WNT7A: variants seen among roughly 807,000 people sequenced by gnomAD.
WNT7A encodes Wnt family member 7A.
WNT7A carries 16 observed loss-of-function variants against 28.2 expected under a neutral mutation model. That is an observed-to-expected ratio of 0.57 (90% CI 0.38 to 0.86). The LOEUF is 0.86. Ranked by LOEUF, WNT7A falls within the 40% of genes least tolerant of loss-of-function variation. WNT7A has a pLI of 0.00. For synonymous variants in WNT7A, 190 were observed against 195.9 expected, an observed-to-expected ratio of 0.97 and a Z score of 0.25; for missense variants, 411 against 489.7, an observed-to-expected ratio of 0.84 and a Z score of 1.52.
chr3:13,860,664 G>T (rs1466680642), intron 2 of WNT7A, among the ~76,000 whole-genome samples: 1 of 152,140 alleles, frequency 6.6e-6, no homozygotes, highest in Non-Finnish European at 1.5e-5. Context: ...ATGCAAATCT[G>T]GAGGTCACCT....
chr3:13,837,135 A>G (rs1694383005), intron 3 of WNT7A, among the ~76,000 whole-genome samples: 1 of 152,066 alleles, frequency 6.6e-6, no homozygotes, highest in Admixed American at 6.5e-5. Flanking sequence ...CTGTCCTCTG[A>G]GGCCCCAGGG....
At position 13,854,533 on chromosome 3, in the gene WNT7A, T is replaced by C. The variant is rs766463815; in HGVS notation, c.569A>G (p.Lys190Arg). ...MNLHNNEAGR[K>R]ILEENMKLEC... ...CAGCTGCCCTCCCTGGCTTCCTACC[T>C]TTCGGCCTGCCTCGTTGTTGTGCAA... Residue 190 changes from lysine to arginine, a missense_variant and splice_region_variant, in exon 3 of 4, where the codon AAG becomes AGG. Lys to Arg is a conservative substitution (Grantham distance 26, BLOSUM62 2). Transcript: ENST00000285018. 3.2e-5 allele frequency: 52 copies of C among 1,614,010 alleles called. No homozygotes were observed. The highest frequency in any genetic ancestry group is 4.1e-5 in the Non-Finnish European group (48 of 1,180,050).
rs1694028759 is a variant in WNT7A at position 13,817,641 on chromosome 3, T to C, written c.*1303A>G. On this transcript the variant is annotated 3_prime_UTR_variant, in exon 4 of 4. Coordinates refer to ENST00000285018, the MANE Select transcript of WNT7A (RefSeq NM_004625.4). ...TCCAGGAAGCCCCGCTGGGCCCGGCTGCTCATCGGCCCCTCACCCCATCTG... is the reference window on the plus strand; with the variant it reads ...TCCAGGAAGCCCCGCTGGGCCCGGCCGCTCATCGGCCCCTCACCCCATCTG... The C allele has an allele frequency of 6.6e-6, 1 of 152,456 alleles. No individual in the cohort carries two copies. The highest frequency in any genetic ancestry group is 1.5e-5 in the Non-Finnish European group (1 of 68,264). 9.4% of individuals were successfully genotyped at this position (152,456 alleles called of 1,614,324 possible).
At chr3:13,837,109 A>T (rs1274790791) in intron 3 of WNT7A, among the ~76,000 whole-genome samples, 1 of 151,962 alleles carries the variant, frequency 6.6e-6, no homozygotes, top group African/African-American at 2.4e-5. Flanking sequence ...CTCTGATGAG[A>T]ACACCATCCT....
intron 3 of WNT7A, among the ~76,000 whole-genome samples, chr3:13,851,387 C>T (rs938798426): frequency 1.3e-5 from 2 of 152,230 alleles, no homozygotes; most frequent in Non-Finnish European, 2.9e-5. Context: ...GTTAGGACTT[C>T]ATGCTTTTGA....
chr3:13,853,173 T>A (rs1179316687), intron 3 of WNT7A, among the ~76,000 whole-genome samples: 1 of 152,182 alleles, frequency 6.6e-6, no homozygotes, highest in South Asian at 2.1e-4. Flanking sequence ...GCCTACTGTG[T>A]GCCACGCTCT....
chr3:13,826,420 G>C (rs1365805998), intron 3 of WNT7A, among the ~76,000 whole-genome samples: 3 of 152,174 alleles, frequency 2.0e-5, no homozygotes, highest in African/African-American at 7.2e-5. Flanking sequence ...GTCAGATAAC[G>C]GGAGGGATAA....
chr3:13,858,367 C>T (rs968921419), intron 2 of WNT7A, among the ~76,000 whole-genome samples: 7 of 152,186 alleles, frequency 4.6e-5, no homozygotes, highest in African/African-American at 1.7e-4. Context: ...GGCTGTCAGC[C>T]CAAGACTCCT....
At chr3:13,853,794 A>G (rs1198288722) in intron 3 of WNT7A, among the ~76,000 whole-genome samples, 3 of 152,116 alleles carry the variant, frequency 2.0e-5, no homozygotes, top group African/African-American at 7.2e-5. Flanking sequence ...AATTCTCACC[A>G]TGGCCCAGCC....
At chr3:13,874,888 G>T in intron 2 of WNT7A, 59 bp downstream of exon 2, 4 of 1,552,816 alleles carry the variant, frequency 2.6e-6, no homozygotes, top group Non-Finnish European at 3.5e-6. Flanking sequence ...GCACCTGAGG[G>T]TATTCTGGTG....
chr3:13,825,687 G>A (rs746602132), intron 3 of WNT7A, among the ~76,000 whole-genome samples: 2 of 152,152 alleles, frequency 1.3e-5, no homozygotes, highest in Non-Finnish European at 2.9e-5. Context: ...CAGGGTGTGG[G>A]GCCCTGCATC....
At chr3:13,856,484 C>T (rs187765858) in intron 2 of WNT7A, among the ~76,000 whole-genome samples, 269 of 152,282 alleles carry the variant, frequency 1.8e-3, no homozygotes, top group African/African-American at 6.1e-3. Context: ...CTACCGGGCT[C>T]GCAACTCTCT....
intron 1 of WNT7A, among the ~76,000 whole-genome samples, chr3:13,878,527 C>T (rs966924085): frequency 1.3e-5 from 2 of 152,184 alleles, no homozygotes; most frequent in African/African-American, 4.8e-5. Flanking sequence ...CGCCGCTGGT[C>T]GGGCTGGCGG....
At chr3:13,836,140 G>T (rs1164577222) in intron 3 of WNT7A, among the ~76,000 whole-genome samples, 1 of 148,528 alleles carries the variant, frequency 6.7e-6, no homozygotes, top group Non-Finnish European at 1.5e-5. Context: ...CCTTGGACTT[G>T]TACACTCTAA....
intron 2 of WNT7A, among the ~76,000 whole-genome samples, chr3:13,861,880 G>A (rs1376302136): frequency 2.0e-5 from 3 of 152,138 alleles, no homozygotes; most frequent in Non-Finnish European, 2.9e-5. Flanking sequence ...AGATCCCCTG[G>A]CTCCCTCACC....
intron 1 of WNT7A, chr3:13,876,967 C>T (rs1695119491): frequency 6.6e-6 from 1 of 152,148 alleles, no homozygotes; most frequent in South Asian, 2.1e-4. Context: ...TTTGCATGCT[C>T]ACTTGATCAC....
intron 2 of WNT7A, among the ~76,000 whole-genome samples, chr3:13,868,210 A>G (rs1168155926): frequency 6.6e-6 from 1 of 152,034 alleles, no homozygotes; most frequent in African/African-American, 2.4e-5. Context: ...TAAGAAAAAA[A>G]TGGCCAGGTG....
intron 3 of WNT7A, among the ~76,000 whole-genome samples, chr3:13,845,940 G>C (rs898162531): frequency 6.6e-6 from 1 of 152,218 alleles, no homozygotes; most frequent in Non-Finnish European, 1.5e-5. Flanking sequence ...AACAGGAGGT[G>C]CCCTGGTCCC....
chr3:13,846,817 T>C (rs1207970552), intron 3 of WNT7A, among the ~76,000 whole-genome samples: 1 of 152,174 alleles, frequency 6.6e-6, no homozygotes, highest in Non-Finnish European at 1.5e-5. Context: ...CACTCATGGC[T>C]GAGCCACCTG....
Sources: allele counts gnomAD v4.1 joint callset (sites outside exome capture counted in the v4.1 genomes callset), GRCh38; gene constraint gnomAD v4.1.1; transcripts MANE v1.5; gene names NCBI Gene and HGNC (gene_info 2026-07-23, HGNC 2026-07-21).